CBFB: variants seen among roughly 807,000 people sequenced by gnomAD.
The protein encoded by CBFB is CBF-beta.
CBFB carries 9 observed loss-of-function variants against 30.4 expected under a neutral mutation model. The ratio of observed to expected loss-of-function variants is 0.30; its 90% CI spans 0.18 to 0.52. The LOEUF is 0.52. Among genes scored for constraint, CBFB ranks in the 20% least tolerant of loss-of-function variants. CBFB has a pLI of 0.97. For synonymous variants in CBFB, 94 were observed against 84.0 expected, an observed-to-expected ratio of 1.12 and a Z score of -0.65; for missense variants, 170 against 244.0, an observed-to-expected ratio of 0.70 and a Z score of 2.02.
intron 3 of CBFB, among the ~76,000 whole-genome samples, chr16:67,040,169 A>G (rs985777184): frequency 1.3e-5 from 2 of 152,200 alleles, no homozygotes; most frequent in Non-Finnish European, 2.9e-5. Context: ...CTGTTTTATT[A>G]TAACCATTAG....
chr16:67,035,973 C>CT (rs1597122203), intron 2 of CBFB, among the ~76,000 whole-genome samples: 1 of 152,142 alleles, frequency 6.6e-6, no homozygotes, highest in East Asian at 1.9e-4. Context: ...ACATCCAAAT[C>CT]TTTTATATTT....
In CBFB at chr16:67,036,706, G is replaced by A. The variant is rs2145713590; in HGVS notation, c.233G>A (p.Arg78Gln). ...FFPASWQGEQRQTPSREYVDL... is the reference protein window; with the variant it reads ...FFPASWQGEQQQTPSREYVDL... ...CCGGCCAGCTGGCAGGGAGAACAGC[G>A]ACAAACACCTAGCCGAGAGTATGTC... The change falls in exon 3 of 6, where the codon CGA (arginine) becomes CAA (glutamine). Residue 78 changes from arginine to glutamine, a missense_variant. By Grantham distance (43) the Arg-to-Gln change is conservative. Coordinates refer to ENST00000412916, the MANE Select transcript of CBFB (RefSeq NM_022845.3). 1 of 1,613,646 alleles carries A rather than the reference G, an allele frequency of 6.2e-7. No individual in the cohort carries two copies.
At chr16:67,059,830 T>C (rs772732221) in intron 3 of CBFB, among the ~76,000 whole-genome samples, 1 of 152,172 alleles carries the variant, frequency 6.6e-6, no homozygotes, top group African/African-American at 2.4e-5. Flanking sequence ...GCTGCCAGAT[T>C]TATAACAGCC....
chr16:67,099,149 T>G lies in CBFB; in HGVS notation c.*371T>G. 1 of 253,292 alleles carries G rather than the reference T, an allele frequency of 3.9e-6. No homozygotes were observed. Among genetic ancestry groups the G allele is most frequent in the African/African-American group, 2.2e-5 (1 of 46,084 alleles). The allele number at this position is 253,292 out of a possible 1,614,324, so 15.7% of individuals were successfully genotyped here. A position where few individuals can be genotyped will look rare whatever the true frequency, so the allele number is the denominator to read the frequency against. On this transcript the variant is annotated 3_prime_UTR_variant, in exon 6 of 6. Transcript: ENST00000412916. ...ATTAAAATTGTATCAGAGGGTTTTC[T>G]CTAATCATTTTTTCTATTTTTTTTT... is the stretch of plus-strand genomic sequence containing the variant.
chr16:67,051,907 G>A (rs1418276816), intron 3 of CBFB, among the ~76,000 whole-genome samples: 9 of 132,806 alleles, frequency 6.8e-5, no homozygotes, highest in Admixed American at 3.6e-4. Context: ...ATATATATAT[G>A]TGTATACACA....
At chr16:67,060,611 A>G (rs961126343) in intron 3 of CBFB, among the ~76,000 whole-genome samples, 4 of 152,012 alleles carry the variant, frequency 2.6e-5, no homozygotes, top group East Asian at 1.9e-4. Flanking sequence ...GCTGGAGTGC[A>G]ATGGCGCGAT....
At chr16:67,078,335 A>G (rs1200046603) in intron 4 of CBFB, among the ~76,000 whole-genome samples, 14 of 152,098 alleles carry the variant, frequency 9.2e-5, no homozygotes. Flanking sequence ...ATCACTTGAT[A>G]TTGGGAGTTC....
intron 3 of CBFB, among the ~76,000 whole-genome samples, chr16:67,055,870 A>G (rs555091940): frequency 6.6e-6 from 1 of 152,296 alleles, no homozygotes; most frequent in East Asian, 1.9e-4. Flanking sequence ...GCATGTGGCT[A>G]AAGGAGGATG....
chr16:67,096,244 G>A (rs1962041981), intron 5 of CBFB, among the ~76,000 whole-genome samples: 1 of 151,876 alleles, frequency 6.6e-6, no homozygotes, highest in African/African-American at 2.4e-5. Context: ...CTGGGAGGCG[G>A]AGGTTGCAGT....
At chr16:67,066,627 T>C in intron 3 of CBFB, 55 bp from the exon 4 acceptor site, 3 of 943,274 alleles carry the variant, frequency 3.2e-6, no homozygotes, top group South Asian at 1.3e-5. Context: ...TTTAATCTTT[T>C]TATTTTCATG....
intron 2 of CBFB, among the ~76,000 whole-genome samples, chr16:67,030,415 C>T (rs1293307315): frequency 6.6e-6 from 1 of 151,814 alleles, no homozygotes; most frequent in Non-Finnish European, 1.5e-5. Context: ...AAAAACTGCA[C>T]AGATGGGCAA....
At chr16:67,037,819 C>A (rs1046576258) in intron 3 of CBFB, among the ~76,000 whole-genome samples, 2 of 151,854 alleles carry the variant, frequency 1.3e-5, no homozygotes, top group Non-Finnish European at 2.9e-5. Context: ...CAGGTGTGCG[C>A]CACCACGCCT....
chr16:67,029,906 G>A (rs1966304901), intron 2 of CBFB, 93 bp downstream of exon 2: 2 of 801,036 alleles, frequency 2.5e-6, no homozygotes, highest in South Asian at 2.4e-5. Context: ...GGCTGCTGCG[G>A]CTCCCGGAAC....
chr16:67,098,739 T>C lies in CBFB; in HGVS notation c.525T>C (p.Gly175=). The C allele has an allele frequency of 6.2e-7, 1 of 1,611,214 alleles. No homozygotes were observed. The highest frequency in any genetic ancestry group is 8.5e-7 in the Non-Finnish European group (1 of 1,177,406). Residue 175 remains glycine (G), a synonymous_variant, in exon 6 of 6, where the codon GGT becomes GGC. Coordinates refer to ENST00000412916, the MANE Select transcript of CBFB (RefSeq NM_022845.3). ...GAAGACAACAAGACCCTAGTCCTGGTTCCAATTTAGGTGGTGGTGATGACC... is the reference window on the plus strand; with the variant it reads ...GAAGACAACAAGACCCTAGTCCTGGCTCCAATTTAGGTGGTGGTGATGACC... The part of the protein sequence containing the change: ...EARRQQDPSP[G]SNLGGGDDLK...
At chr16:67,055,847 T>G (rs1875646807) in intron 3 of CBFB, among the ~76,000 whole-genome samples, 1 of 152,250 alleles carries the variant, frequency 6.6e-6, no homozygotes, top group Non-Finnish European at 1.5e-5. Context: ...TGTCCATTTA[T>G]GAACAGGGAG....
chr16:67,055,935 T>A (rs1209023723), intron 3 of CBFB, among the ~76,000 whole-genome samples: 8 of 152,136 alleles, frequency 5.3e-5, no homozygotes, highest in Non-Finnish European at 1.2e-4. Context: ...CAGAAATGAT[T>A]ACAGCAAGCG....
At chr16:67,072,912 C>T (rs1001931804) in intron 4 of CBFB, among the ~76,000 whole-genome samples, 3 of 151,996 alleles carry the variant, frequency 2.0e-5, no homozygotes, top group African/African-American at 7.2e-5. Flanking sequence ...GAGGTCTTAC[C>T]ATGTTGGCCA....
At chr16:67,065,078 C>T (rs1268099387) in intron 3 of CBFB, among the ~76,000 whole-genome samples, 2 of 151,876 alleles carry the variant, frequency 1.3e-5, no homozygotes, top group Non-Finnish European at 1.5e-5. Context: ...TTGTTATGTT[C>T]AGTAGAGATG....
intron 3 of CBFB, among the ~76,000 whole-genome samples, chr16:67,050,843 C>A (rs112196302): frequency 7.9e-5 from 12 of 152,210 alleles, no homozygotes; most frequent in African/African-American, 2.9e-4. Context: ...TAACAATATA[C>A]AGTAATCAAT....
Sources: gnomAD v4.1 joint callset for allele counts (sites outside exome capture counted in the v4.1 genomes callset) on GRCh38, gnomAD v4.1.1 for gene constraint, MANE v1.5 for transcripts, NCBI Gene and HGNC (gene_info 2026-07-23, HGNC 2026-07-21) for gene names.